S100A13: variants seen among roughly 807,000 people sequenced by gnomAD.
The protein encoded by S100A13 is protein S100-A13.
Under a neutral mutation model 8.2 loss-of-function variants are expected in S100A13, and 6 were observed. That is an observed-to-expected ratio of 0.73 (90% confidence interval 0.40 to 1.44). S100A13 has a LOEUF of 1.44. Ranked by LOEUF, S100A13 falls within the 40% of genes most tolerant of loss-of-function variation. The probability of loss-of-function intolerance (pLI) is 0.02; values close to 1 mark genes in which losing one functional copy is unlikely to be tolerated. For synonymous variants in S100A13, 39 were observed against 45.9 expected (o/e 0.85, Z 0.61); for missense variants, 114 against 113.6 (o/e 1.00, Z -0.02).
intron 2 of S100A13, among the ~76,000 whole-genome samples, chr1:153,621,531 G>A (rs1303036242): frequency 1.3e-5 from 2 of 151,674 alleles, no homozygotes; most frequent in Admixed American, 6.6e-5. Context: ...CCAGAACTTT[G>A]GGAGGCCAAG....
At chr1:153,627,206 C>G (rs1667709765) in intron 1 of S100A13, 1 of 152,406 alleles carries the variant, frequency 6.6e-6, no homozygotes, top group African/African-American at 2.4e-5. Context: ...GCTCCTGTCT[C>G]CCGGTGACAA....
intron 2 of S100A13, among the ~76,000 whole-genome samples, chr1:153,623,188 G>A (rs1667381870): frequency 6.6e-6 from 1 of 152,156 alleles, no homozygotes; most frequent in Non-Finnish European, 1.5e-5. Flanking sequence ...ATTTCAAGAG[G>A]AAAGTCTTTT....
At chr1:153,630,610 G>C, upstream of S100A13, 1 of 1,614,272 alleles carries the variant, frequency 6.2e-7, no homozygotes, top group Non-Finnish European at 8.5e-7. Context: ...TACAAGCTGA[G>C]CAAGAAGGAG....
chr1:153,621,681 C>CA (rs538835772), intron 2 of S100A13, among the ~76,000 whole-genome samples: 1,779 of 142,206 alleles, frequency 0.013, 38 homozygotes, highest in African/African-American at 0.041. Flanking sequence ...TGCTGCTGCT[C>CA]AAAAAAAAAA....
At chr1:153,631,775 G>C (rs763139008), upstream of S100A13, 36 of 1,614,066 alleles carry the variant, frequency 2.2e-5, no homozygotes, top group Middle Eastern at 3.3e-4. Context: ...TGGACTTCCA[G>C]GAGTATGTGG....
At chr1:153,633,250 G>A (rs1279585858), upstream of S100A13, 3 of 152,184 alleles carry the variant, frequency 2.0e-5, no homozygotes, top group African/African-American at 7.2e-5. Context: ...GGGAGGCTGA[G>A]GTGAGAGGAT....
At chr1:153,621,159 ATT>A (rs59588947) in intron 2 of S100A13, among the ~76,000 whole-genome samples, 6 of 142,680 alleles carry the variant, frequency 4.2e-5, no homozygotes, top group Non-Finnish European at 3.0e-5. Flanking sequence ...TATCTACAGG[ATT>A]TTTTTTTTTT....
At position 153,618,916 on chromosome 1, in the gene S100A13, GTCTT is replaced by G; in HGVS notation, c.272_275del (p.Lys91ThrfsTer2). The G allele has an allele frequency of 6.2e-7, 1 of 1,614,040 alleles. No individual in the cohort carries two copies. Among genetic ancestry groups the G allele is most frequent in the Admixed American group, 1.7e-5 (1 of 60,008 alleles). On this transcript the variant is annotated frameshift_variant, in exon 3 of 3. Coordinates refer to ENST00000476133, the MANE Select transcript of S100A13 (RefSeq NM_001024211.2). LOFTEE classifies it high-confidence loss of function. ...GGCTTTACTTCTTCCTGATCTTCAG[GTCTT>G]TCTTCTTCCTGATTTCCTTGGCCAG...
At position 153,626,227 on chromosome 1, in the gene S100A13, T is replaced by G; in HGVS notation, c.153+93A>C. ...ATGCAGCCACCCACACCCTTTCTTG[T>G]GGTCACCTCACCGTACTCGGCACCA... On this transcript the variant is annotated intron_variant, in intron 2 of 2. Transcript: ENST00000476133. The G allele has an allele frequency of 2.6e-6, 3 of 1,153,414 alleles. No individual in the cohort carries two copies. The Admixed American group carries it at 5.6e-5, about 22-fold the overall frequency. 71.4% of individuals were successfully genotyped at this position (1,153,414 alleles called of 1,614,324 possible). A position where few individuals can be genotyped will look rare whatever the true frequency, so the allele number is the denominator to read the frequency against.
At chr1:153,620,616 A>G (rs1667181444) in intron 2 of S100A13, among the ~76,000 whole-genome samples, 1 of 152,196 alleles carries the variant, frequency 6.6e-6, no homozygotes, top group Admixed American at 6.5e-5. Flanking sequence ...GCAAAACTTA[A>G]ATTTTGCCCC....
At chr1:153,631,675 C>T (rs781531047), upstream of S100A13, 19 of 1,614,086 alleles carry the variant, frequency 1.2e-5, no homozygotes, top group Non-Finnish European at 1.5e-5. Context: ...ATACACCTCC[C>T]TCTTCCTCTC....
At chr1:153,633,851 A>G (rs1054649648), upstream of S100A13, 1 of 152,274 alleles carries the variant, frequency 6.6e-6, no homozygotes, top group Non-Finnish European at 1.5e-5. Context: ...CCACTACTGG[A>G]ACGTGAAGTC....
upstream of S100A13, chr1:153,630,592 G>A (rs1163381050): frequency 6.2e-7 from 1 of 1,614,258 alleles, no homozygotes; most frequent in Non-Finnish European, 8.5e-7. Flanking sequence ...GGCAAAGAGG[G>A]GGACAAGTAC....
chr1:153,628,078 G>A (rs996267312), upstream of S100A13: 1 of 1,550,344 alleles, frequency 6.5e-7, no homozygotes, highest in Non-Finnish European at 8.7e-7. Context: ...GCCCCATGGA[G>A]GAGCCACAGA....
At chr1:153,634,086 G>A (rs1668201761), upstream of S100A13, 1 of 152,810 alleles carries the variant, frequency 6.5e-6, no homozygotes, top group Non-Finnish European at 1.5e-5. Flanking sequence ...TTTTGTTTTG[G>A]ACACCGAGCA....
upstream of S100A13, among the ~76,000 whole-genome samples, chr1:153,632,452 T>C (rs1271594464): frequency 2.6e-5 from 4 of 151,824 alleles, no homozygotes; most frequent in Non-Finnish European, 5.9e-5. Flanking sequence ...TTTGTATTTT[T>C]AGTACAGACG....
At chr1:153,626,579 A>C in intron 1 of S100A13, 46 bp from the exon 2 acceptor site, 1 of 1,161,156 alleles carries the variant, frequency 8.6e-7, no homozygotes, top group Non-Finnish European at 1.2e-6. Context: ...GGGAGCCCCA[A>C]GATGCAGGAA....
At chr1:153,633,720 G>A (rs1243955919), upstream of S100A13, among the ~76,000 whole-genome samples, 1 of 152,232 alleles carries the variant, frequency 6.6e-6, no homozygotes, top group African/African-American at 2.4e-5. Context: ...GACGAGGCAA[G>A]TCCGCGTAAA....
intron 2 of S100A13, among the ~76,000 whole-genome samples, chr1:153,625,494 T>G (rs1220354098): frequency 6.6e-6 from 1 of 152,098 alleles, no homozygotes; most frequent in Non-Finnish European, 1.5e-5. Flanking sequence ...GGGATGCCCA[T>G]AGCGGGTAGG....
Sources: gnomAD v4.1 joint callset for allele counts (sites outside exome capture counted in the v4.1 genomes callset) on GRCh38, gnomAD v4.1.1 for gene constraint, MANE v1.5 for transcripts, NCBI Gene and HGNC (gene_info 2026-07-23, HGNC 2026-07-21) for gene names.